Variants in ANO10 observed in about 807,000 individuals in gnomAD.
ANO10 encodes the protein anoctamin 10.
Under a neutral mutation model 74.7 loss-of-function variants are expected in ANO10, and 77 were observed. That is an observed-to-expected ratio of 1.03 (90% CI 0.86 to 1.25). The LOEUF (loss-of-function observed/expected upper bound fraction) is 1.25, where lower values mean the gene tolerates loss of function less well. ANO10 is among the 50% of genes most tolerant of loss of function. The pLI is 0.00. For missense variants in ANO10, 721 were observed against 778.1 expected (o/e 0.93, Z 0.87); for synonymous variants, 279 against 284.9 (o/e 0.98, Z 0.21).
In ANO10 at chr3:43,366,667, C is replaced by T. The variant is rs2091420674; in HGVS notation, c.*239G>A. 3 of 584,592 alleles carry T rather than the reference C, an allele frequency of 5.1e-6. No homozygotes were observed. Among genetic ancestry groups the T allele is most frequent in the Admixed American group, 2.9e-5 (1 of 34,820 alleles). The allele number at this position is 584,592 out of a possible 1,614,324, so 36.2% of individuals were successfully genotyped here. On this transcript the variant is annotated 3_prime_UTR_variant, in exon 13 of 13. Coordinates refer to ENST00000292246, the MANE Select transcript of ANO10 (RefSeq NM_018075.5). ...TTGGCAGCTGGAGCAGCGTGTGGGG[C>T]CCGGGAAGGAACTGGGAAGGAGCAG...
intron 11 of ANO10, among the ~76,000 whole-genome samples, chr3:43,477,932 T>C (rs956807952): frequency 6.6e-6 from 1 of 152,218 alleles, no homozygotes; most frequent in South Asian, 2.1e-4. Context: ...GGGAGGAATG[T>C]TGAGAAGTGA....
chr3:43,407,869 C>T (rs947558294), intron 12 of ANO10, among the ~76,000 whole-genome samples: 28 of 152,270 alleles, frequency 1.8e-4, no homozygotes, highest in Admixed American at 7.2e-4. Flanking sequence ...CCAGAGCCCA[C>T]GTGGGGCTTT....
intron 1 of ANO10, among the ~76,000 whole-genome samples, chr3:43,644,351 G>A (rs568754910): frequency 6.6e-6 from 1 of 152,246 alleles, no homozygotes; most frequent in East Asian, 1.9e-4. Flanking sequence ...ACTTTAACTT[G>A]CTGTAATGCA....
intron 7 of ANO10, among the ~76,000 whole-genome samples, chr3:43,569,013 G>T (rs1193650863): frequency 7.7e-6 from 1 of 130,188 alleles, no homozygotes; most frequent in Non-Finnish European, 1.6e-5. Flanking sequence ...TATCACCACC[G>T]ATCCCACAGA....
At chr3:43,396,001 T>C (rs1014055373) in intron 12 of ANO10, among the ~76,000 whole-genome samples, 3 of 152,188 alleles carry the variant, frequency 2.0e-5, no homozygotes, top group Non-Finnish European at 2.9e-5. Flanking sequence ...GTGCAGATGA[T>C]CATGTCATTT....
intron 11 of ANO10, among the ~76,000 whole-genome samples, chr3:43,480,550 G>A (rs1305566092): frequency 6.6e-6 from 1 of 152,120 alleles, no homozygotes; most frequent in African/African-American, 2.4e-5. Context: ...AGGGCAGATG[G>A]GCATAAAGAT....
Position 43,486,887 on chromosome 3 carries a change from T to G in ANO10, c.1798-54160A>C, listed in dbSNP as rs554973698. Among the ~76,000 whole-genome samples the G allele has an allele frequency of 9.5e-3, 1,370 of 143,996 alleles. 10 individuals are homozygous for G. Among genetic ancestry groups the G allele is most frequent in the Non-Finnish European group, 0.013 (853 of 65,724 alleles). The allele number at this position is 143,996 out of a possible 152,430, so 94.5% of individuals were successfully genotyped here. A position where few individuals can be genotyped will look rare whatever the true frequency, so the allele number is the denominator to read the frequency against. On this transcript the variant is annotated intron_variant, in intron 11 of 12. Transcript: ENST00000292246. ...GGGCATCCCTGTCTTGTGCCAGTTT[T>G]CAAAGGGAATGCTTCCAGTTTTTGC...
At chr3:43,683,423 C>T (rs61272307) in intron 1 of ANO10, among the ~76,000 whole-genome samples, 6,111 of 152,040 alleles carry the variant, frequency 0.04, 402 homozygotes, top group African/African-American at 0.14. Flanking sequence ...CTCAATGAAA[C>T]AAAAGAGGAT....
intron 12 of ANO10, among the ~76,000 whole-genome samples, chr3:43,376,378 G>A (rs933932348): frequency 1.3e-5 from 2 of 152,192 alleles, no homozygotes; most frequent in East Asian, 1.9e-4. Flanking sequence ...AAGGGGACTA[G>A]AGCAGTGGCC....
chr3:43,598,092 C>A (rs552780890), intron 4 of ANO10, among the ~76,000 whole-genome samples: 1 of 152,324 alleles, frequency 6.6e-6, no homozygotes, highest in Admixed American at 6.5e-5. Flanking sequence ...AAACTAGTAT[C>A]TTCATTAAAA....
At chr3:43,690,656 G>A in intron 1 of ANO10, 1 of 300,570 alleles carries the variant, frequency 3.3e-6, no homozygotes, top group Non-Finnish European at 6.1e-6. Context: ...CACCGACGGG[G>A]TGATGCATGA....
At chr3:43,415,827 C>A (rs1473971974) in intron 12 of ANO10, among the ~76,000 whole-genome samples, 1 of 152,170 alleles carries the variant, frequency 6.6e-6, no homozygotes, top group Non-Finnish European at 1.5e-5. Context: ...CAGGCATGAG[C>A]CACCATGCCT....
intron 11 of ANO10, among the ~76,000 whole-genome samples, chr3:43,464,194 GA>G (rs761112018): frequency 6.7e-6 from 1 of 149,698 alleles, no homozygotes; most frequent in African/African-American, 2.4e-5. Context: ...GCCTCTCTCT[GA>G]AAAAAAAAGG....
In ANO10 at chr3:43,579,970, C is replaced by T. The variant is rs144546493; in HGVS notation, c.592+383G>A. On this transcript the variant is annotated intron_variant, in intron 5 of 12. Transcript: ENST00000292246. ...GAGTTCAAGATCAGCCTGAGCAACA[C>T]GGCAAAACCCCGTCTTTACAAAAAA... Among the ~76,000 whole-genome samples, 326 of 151,922 alleles carry T rather than the reference C, an allele frequency of 2.1e-3. 2 individuals are homozygous for T. Among genetic ancestry groups the T allele is most frequent in the African/African-American group, 7.5e-3 (312 of 41,414 alleles).
intron 1 of ANO10, among the ~76,000 whole-genome samples, chr3:43,653,945 A>G (rs564451162): frequency 1.3e-4 from 20 of 148,806 alleles, no homozygotes; most frequent in African/African-American, 4.0e-4. Flanking sequence ...TTTTTTTGCA[A>G]CTTCTGGAAG....
intron 11 of ANO10, among the ~76,000 whole-genome samples, chr3:43,521,723 A>G (rs2077965833): frequency 6.6e-6 from 1 of 152,220 alleles, no homozygotes; most frequent in South Asian, 2.1e-4. Context: ...CTGCTACGGA[A>G]AACAGTTTGG....
intron 11 of ANO10, among the ~76,000 whole-genome samples, chr3:43,462,772 G>A (rs2149031190): frequency 6.6e-6 from 1 of 152,316 alleles, no homozygotes; most frequent in Non-Finnish European, 1.5e-5. Context: ...GGAAAAAGCG[G>A]TTTTGTGGGC....
At chr3:43,547,688 A>G (rs995767872) in intron 11 of ANO10, among the ~76,000 whole-genome samples, 2 of 152,254 alleles carry the variant, frequency 1.3e-5, no homozygotes, top group Admixed American at 6.5e-5. Flanking sequence ...TTAGACTAGC[A>G]AAACCATCCT....
At chr3:43,682,820 C>T (rs547070936) in intron 1 of ANO10, among the ~76,000 whole-genome samples, 28 of 152,100 alleles carry the variant, frequency 1.8e-4, no homozygotes, top group South Asian at 6.2e-4. Flanking sequence ...ACAGAACCAA[C>T]GACAAAAAAC....
Sources: gnomAD v4.1 joint callset for allele counts (sites outside exome capture counted in the v4.1 genomes callset) on GRCh38, gnomAD v4.1.1 for gene constraint, MANE v1.5 for transcripts, NCBI Gene and HGNC (gene_info 2026-07-23, HGNC 2026-07-21) for gene names.